POPDC1: variants seen among roughly 807,000 people sequenced by gnomAD.
The protein encoded by POPDC1 is popeye domain-containing protein 1.
the POPDC1 span, among the ~76,000 whole-genome samples, chr6:105,103,369 A>G: frequency 6.6e-6 from 1 of 152,276 alleles, no homozygotes; most frequent in East Asian, 1.9e-4. Flanking sequence ...AAAATTCATC[A>G]TTGCTCATAA....
At chr6:105,129,148 TTC>T in the POPDC1 span, among the ~76,000 whole-genome samples, 1 of 152,188 alleles carries the variant, frequency 6.6e-6, no homozygotes, top group African/African-American at 2.4e-5. Context: ...ATTATTCATG[TTC>T]TCTCATATGC....
chr6:105,117,188 A>G, the POPDC1 span, among the ~76,000 whole-genome samples: 2 of 152,312 alleles, frequency 1.3e-5, no homozygotes, highest in South Asian at 2.1e-4. Context: ...ATGCCACTGG[A>G]CATATGACTT....
chr6:105,111,075 T>C, the POPDC1 span, among the ~76,000 whole-genome samples: 1 of 152,330 alleles, frequency 6.6e-6, no homozygotes, highest in African/African-American at 2.4e-5. Flanking sequence ...ACAGCATTTT[T>C]AAAAACAACA....
chr6:105,110,878 G>A, the POPDC1 span, among the ~76,000 whole-genome samples: 1 of 152,048 alleles, frequency 6.6e-6, no homozygotes, highest in African/African-American at 2.4e-5. Context: ...TAGAGAGGGG[G>A]TCTCGCTATG....
At chr6:105,125,415 C>T in the POPDC1 span, 80 of 1,614,202 alleles carry the variant, frequency 5.0e-5, no homozygotes, top group Non-Finnish European at 5.8e-5. Flanking sequence ...AATACTCAGA[C>T]GGTCATCAAC....
At chr6:105,132,384 T>G in the POPDC1 span, among the ~76,000 whole-genome samples, 1 of 152,234 alleles carries the variant, frequency 6.6e-6, no homozygotes, top group African/African-American at 2.4e-5. Flanking sequence ...ATCCTGCTCA[T>G]CTTCCAAAAT....
the POPDC1 span, among the ~76,000 whole-genome samples, chr6:105,130,754 A>C: frequency 1.3e-5 from 2 of 152,212 alleles, no homozygotes; most frequent in Non-Finnish European, 1.5e-5. Context: ...CACAATGGTG[A>C]ATATTTGTAT....
the POPDC1 span, chr6:105,115,738 AC>A: frequency 8.7e-6 from 14 of 1,614,192 alleles, no homozygotes; most frequent in African/African-American, 1.5e-4. Context: ...AGCCGTCGTC[AC>A]TGTCACTGGA....
the POPDC1 span, among the ~76,000 whole-genome samples, chr6:105,123,359 G>C: frequency 6.6e-6 from 1 of 152,142 alleles, no homozygotes; most frequent in African/African-American, 2.4e-5. Flanking sequence ...CTTACAGAAA[G>C]AATCAGAACA....
chr6:105,110,872 G>C, the POPDC1 span, among the ~76,000 whole-genome samples: 1 of 152,128 alleles, frequency 6.6e-6, no homozygotes, highest in African/African-American at 2.4e-5. Context: ...TTTTTGTAGA[G>C]AGGGGGTCTC....
the POPDC1 span, among the ~76,000 whole-genome samples, chr6:105,111,872 G>A: frequency 6.6e-6 from 1 of 152,192 alleles, no homozygotes; most frequent in African/African-American, 2.4e-5. Flanking sequence ...GTAAAGTTAT[G>A]AAGTATATTT....
the POPDC1 span, among the ~76,000 whole-genome samples, chr6:105,114,140 C>T: frequency 6.6e-6 from 1 of 152,198 alleles, no homozygotes; most frequent in Non-Finnish European, 1.5e-5. Context: ...TCTTCCAACA[C>T]AATTTAGTTG....
At chr6:105,129,951 AG>A in the POPDC1 span, among the ~76,000 whole-genome samples, 2 of 152,230 alleles carry the variant, frequency 1.3e-5, no homozygotes, top group African/African-American at 4.8e-5. Flanking sequence ...AACACATTTT[AG>A]AACTACCTAA....
chr6:105,135,373 ACATAAGC>A, the POPDC1 span, among the ~76,000 whole-genome samples: 1 of 152,206 alleles, frequency 6.6e-6, no homozygotes, highest in Non-Finnish European at 1.5e-5. Context: ...CCAGGGTGCT[ACATAAGC>A]CAGGGAAAGC....
At chr6:105,133,034 T>C in the POPDC1 span, among the ~76,000 whole-genome samples, 1 of 152,168 alleles carries the variant, frequency 6.6e-6, no homozygotes, top group Non-Finnish European at 1.5e-5. Context: ...CAAGTTACAG[T>C]TGACAAGAAA....
At chr6:105,136,492 C>G in the POPDC1 span, 1 of 152,320 alleles carries the variant, frequency 6.6e-6, no homozygotes, top group Non-Finnish European at 1.5e-5. Context: ...GGCGACACCG[C>G]GCGCCCGGCT....
At chr6:105,113,955 CA>C in the POPDC1 span, among the ~76,000 whole-genome samples, 1 of 148,348 alleles carries the variant, frequency 6.7e-6, no homozygotes, top group Non-Finnish European at 1.5e-5. Flanking sequence ...CACACACACA[CA>C]AAAAAAACAA....
chr6:105,124,153 C>T, the POPDC1 span, among the ~76,000 whole-genome samples: 2 of 152,122 alleles, frequency 1.3e-5, no homozygotes, highest in South Asian at 2.1e-4. Context: ...GAGGCCGAGG[C>T]AGGCAGATCA....
the POPDC1 span, among the ~76,000 whole-genome samples, chr6:105,110,671 A>C: frequency 7.2e-6 from 1 of 139,390 alleles, no homozygotes; most frequent in Non-Finnish European, 1.6e-5. Context: ...TGACATTAGT[A>C]GGCTGTCCAC....
Sources: gnomAD v4.1 joint callset for allele counts (sites outside exome capture counted in the v4.1 genomes callset) on GRCh38, gnomAD v4.1.1 for gene constraint, MANE v1.5 for transcripts, NCBI Gene and HGNC (gene_info 2026-07-23, HGNC 2026-07-21) for gene names.